The following NPHS2 variants were observed in gnomAD, a reference collection of about 807,000 sequenced individuals.
The protein encoded by NPHS2 is NPHS2 stomatin family member, podocin, also known as podocin.
NPHS2 carries 36 observed loss-of-function variants against 37.1 expected under a neutral mutation model. The ratio of observed to expected loss-of-function variants is 0.97; its 90% CI spans 0.74 to 1.28. The LOEUF is 1.28. Among genes scored for constraint, NPHS2 ranks in the 50% most tolerant of loss-of-function variants. The pLI, the probability that NPHS2 is intolerant of heterozygous loss-of-function variation, is 0.00. For missense variants in NPHS2, 447 were observed against 488.1 expected (o/e 0.92, Z 0.79); for synonymous variants, 196 against 189.3 (o/e 1.04, Z -0.29).
At chr1:179,558,610 G>C (rs563445454) in intron 4 of NPHS2, among the ~76,000 whole-genome samples, 2 of 152,238 alleles carry the variant, frequency 1.3e-5, no homozygotes, top group African/African-American at 2.4e-5. Context: ...AAGTGGAATT[G>C]CTGGGTCATA....
rs143000393 is a variant in NPHS2, at chr1:179,569,739, G to A, written c.275-4946C>T. On this transcript the variant is annotated intron_variant, in intron 1 of 7. Coordinates refer to ENST00000367615, the MANE Select transcript of NPHS2 (RefSeq NM_014625.4). ...GGAGCCCTTGTAAGGCAGGCCTGGTGGTGATAAAATCTCTCAGCATTTTGC... is the reference window on the plus strand; with the variant it reads ...GGAGCCCTTGTAAGGCAGGCCTGGTAGTGATAAAATCTCTCAGCATTTTGC... Among the ~76,000 whole-genome samples, 4 of 152,198 alleles carry A rather than the reference G, an allele frequency of 2.6e-5. No homozygotes were observed. In the East Asian group the frequency reaches 7.7e-4, roughly 29 times the overall value.
chr1:179,567,284 C>T (rs184108611), intron 1 of NPHS2, among the ~76,000 whole-genome samples: 32 of 152,252 alleles, frequency 2.1e-4, no homozygotes, highest in African/African-American at 7.0e-4. Context: ...TCCTTCACGT[C>T]CCTTGTAAGT....
chr1:179,567,704 G>A lies in NPHS2; in HGVS notation c.275-2911C>T, dbSNP rs1674388408. On this transcript the variant is annotated intron_variant, in intron 1 of 7. Transcript: ENST00000367615. Reference sequence around the variant, plus strand: ...TCAGTATGATATTGGCTGTGGGTTTGTCCTAAATAGCTCTTATTATTTTGA... The same window carrying A: ...TCAGTATGATATTGGCTGTGGGTTTATCCTAAATAGCTCTTATTATTTTGA... 2.6e-5 allele frequency among the ~76,000 whole-genome samples: 4 copies of A among 152,180 alleles called. No homozygotes were observed. In the South Asian group the frequency reaches 8.3e-4, roughly 32 times the overall value.
chr1:179,557,296 G>T, intron 4 of NPHS2, 66 bp from the exon 5 acceptor site: 1 of 1,271,432 alleles, frequency 7.9e-7, no homozygotes, highest in Non-Finnish European at 1.1e-6. Context: ...GGGGTTAGAG[G>T]AACTAAATGT....
At chr1:179,573,937 TTGTC>T (rs1205233224) in intron 1 of NPHS2, among the ~76,000 whole-genome samples, 5 of 152,200 alleles carry the variant, frequency 3.3e-5, no homozygotes, top group Admixed American at 3.3e-4. Context: ...CCTTTAAACA[TTGTC>T]TGAGAGTCCC....
At chr1:179,553,243 A>G (rs910783509) in intron 6 of NPHS2, among the ~76,000 whole-genome samples, 1 of 152,250 alleles carries the variant, frequency 6.6e-6, no homozygotes, top group Non-Finnish European at 1.5e-5. Flanking sequence ...GTGACCTAGT[A>G]ATTCTACTTC....
chr1:179,567,272 G>C (rs563362784), intron 1 of NPHS2, among the ~76,000 whole-genome samples: 2 of 152,202 alleles, frequency 1.3e-5, no homozygotes, highest in South Asian at 4.2e-4. Context: ...TCCTTGAGGA[G>C]GTCCTTCACG....
rs1365289022 is a variant in NPHS2, at chr1:179,551,284, CAGT to C, written c.1038_1040del (p.Leu347del). ...TGTTGCTGGGAGAAGACAGGCAATT[CAGT>C]AGGTCAAATGGCAAAGGTAAAACCA... is the stretch of plus-strand genomic sequence containing the variant. On this transcript the variant is annotated inframe_deletion, in exon 8 of 8. Coordinates refer to ENST00000367615, the MANE Select transcript of NPHS2 (RefSeq NM_014625.4). The C allele has an allele frequency of 6.2e-7, 1 of 1,614,054 alleles. No individual in the cohort carries two copies. The highest frequency in any genetic ancestry group is 1.7e-5 in the Admixed American group (1 of 60,010).
intron 1 of NPHS2, among the ~76,000 whole-genome samples, chr1:179,570,708 A>G (rs924530311): frequency 1.3e-5 from 2 of 152,210 alleles, no homozygotes; most frequent in African/African-American, 4.8e-5. Context: ...CAATCCAAAC[A>G]TAGATTTGGT....
chr1:179,564,598 A>G, intron 2 of NPHS2, 92 bp downstream of exon 2: 3 of 1,081,188 alleles, frequency 2.8e-6, no homozygotes, highest in Non-Finnish European at 4.3e-6. Context: ...ATGGAGCAAT[A>G]ACATGTACCA....
intron 7 of NPHS2, chr1:179,552,377 A>G (rs72704483): frequency 0.034 from 20,490 of 595,480 alleles, 494 homozygotes; most frequent in Non-Finnish European, 0.042. Flanking sequence ...GTGAGACTCA[A>G]GCAGTGAGTG....
chr1:179,560,356 C>T (rs78180767), intron 3 of NPHS2, among the ~76,000 whole-genome samples: 6 of 152,182 alleles, frequency 3.9e-5, no homozygotes, highest in Non-Finnish European at 8.8e-5. Context: ...TTCTGAGAGC[C>T]CATTGGATTC....
chr1:179,565,738 C>A (rs921747099), intron 1 of NPHS2, among the ~76,000 whole-genome samples: 1 of 149,058 alleles, frequency 6.7e-6, no homozygotes, highest in Non-Finnish European at 1.5e-5. Flanking sequence ...CACCCCCCGA[C>A]AGGCCCCAGT....
At chr1:179,561,899 G>A (rs895298820) in intron 2 of NPHS2, among the ~76,000 whole-genome samples, 4 of 151,926 alleles carry the variant, frequency 2.6e-5, no homozygotes, top group Admixed American at 6.6e-5. Flanking sequence ...TCTGCCTCCC[G>A]GGTTCAAGCG....
At chr1:179,565,545 C>T (rs1393107093) in intron 1 of NPHS2, among the ~76,000 whole-genome samples, 1 of 152,152 alleles carries the variant, frequency 6.6e-6, no homozygotes, top group Non-Finnish European at 1.5e-5. Context: ...CTGAGCTTTA[C>T]TTTACATGTG....
At chr1:179,565,729 A>AC (rs1674307617) in intron 1 of NPHS2, among the ~76,000 whole-genome samples, 1 of 61,996 alleles carries the variant, frequency 1.6e-5, no homozygotes, top group African/African-American at 6.3e-5. Context: ...CCAGCTCCCC[A>AC]CCCCCCGACA....
At chr1:179,564,526 T>G (rs186759696) in intron 2 of NPHS2, among the ~76,000 whole-genome samples, 164 bp downstream of exon 2, 2 of 152,298 alleles carry the variant, frequency 1.3e-5, no homozygotes, top group African/African-American at 2.4e-5. Flanking sequence ...TGTTCACATT[T>G]GAGCAAGGTC....
At chr1:179,566,601 G>A (rs1338050408) in intron 1 of NPHS2, among the ~76,000 whole-genome samples, 2 of 152,026 alleles carry the variant, frequency 1.3e-5, no homozygotes, top group Non-Finnish European at 2.9e-5. Context: ...GGCTTTTGTT[G>A]CCATTGCTTT....
Position 179,557,150 on chromosome 1 carries a change from G to A in NPHS2, c.615C>T (p.Ser205=), listed in dbSNP as rs778514784. 1.3e-5 allele frequency: 21 copies of A among 1,613,888 alleles called. No homozygotes were observed. The Admixed American group carries it at 3.5e-4, about 27-fold the overall frequency. Residue 205 remains serine, a synonymous_variant, in exon 5 of 8, where the codon AGC becomes AGT. Transcript: ENST00000367615. ...YRMENASLLL[S]SLAHVSKAVQ... The stretch of plus-strand genomic sequence containing the variant: ...CAGCTTTAGATACATGAGCAAGACT[G>A]CTTAGGAGAAGAGAGGCATTTTCCA...
Sources: gnomAD v4.1 joint callset for allele counts (sites outside exome capture counted in the v4.1 genomes callset) on GRCh38, gnomAD v4.1.1 for gene constraint, MANE v1.5 for transcripts, NCBI Gene and HGNC (gene_info 2026-07-23, HGNC 2026-07-21) for gene names.